Variants in ENOX1 observed in about 807,000 individuals in gnomAD.
ENOX1 encodes ecto-NOX disulfide-thiol exchanger 1.
In ENOX1, 42 loss-of-function variants were observed where a neutral mutation model predicts 82.5. The observed-to-expected ratio is 0.51, with a 90% CI of 0.40 to 0.66. The LOEUF is 0.66. Ranked by LOEUF, ENOX1 falls within the 30% of genes least tolerant of loss-of-function variation. The pLI, the probability that ENOX1 is intolerant of heterozygous loss-of-function variation, is 0.00. For synonymous variants in ENOX1, 271 were observed against 282.2 expected, an observed-to-expected ratio of 0.96 and a Z score of 0.40; for missense variants, 608 against 811.6, an observed-to-expected ratio of 0.75 and a Z score of 3.05.
chr13:43,429,776 C>T (rs1349852472), intron 3 of ENOX1, among the ~76,000 whole-genome samples: 1 of 152,086 alleles, frequency 6.6e-6, no homozygotes. Flanking sequence ...CATATCCTTC[C>T]AATTGTATTG....
rs536243449 is a variant in ENOX1 at position 43,268,180 on chromosome 13, C to T, written c.1554+1290G>A. On this transcript the variant is annotated intron_variant, in intron 13 of 16. Transcript: ENST00000690772. ...CAAAGCTATCTAAAAGAAAAAAAAT[C>T]GGGGTGAGAGAGCAGAAAACAACAA... Among the ~76,000 whole-genome samples the T allele has an allele frequency of 4.6e-5, 7 of 152,136 alleles. No individual in the cohort carries two copies. The South Asian group carries it at 1.0e-3, about 23-fold the overall frequency.
At chr13:43,564,158 T>C (rs1251604498) in intron 2 of ENOX1, among the ~76,000 whole-genome samples, 1 of 152,046 alleles carries the variant, frequency 6.6e-6, no homozygotes, top group Admixed American at 6.6e-5. Flanking sequence ...GTGAAAGATC[T>C]CTACAATGAA....
At chr13:43,668,243 T>G (rs1387379251) in intron 1 of ENOX1, among the ~76,000 whole-genome samples, 1 of 152,208 alleles carries the variant, frequency 6.6e-6, no homozygotes. Context: ...CAACAGAATC[T>G]GCATTTTAAC....
intron 2 of ENOX1, among the ~76,000 whole-genome samples, chr13:43,527,451 C>T (rs1343308793): frequency 6.6e-6 from 1 of 152,038 alleles, no homozygotes; most frequent in Non-Finnish European, 1.5e-5. Context: ...CTTTCTCTCC[C>T]CTAAAAATAC....
rs559189437 is a variant in ENOX1, at chr13:43,566,010, A to T, written c.-218-81858T>A. 9.8e-5 allele frequency among the ~76,000 whole-genome samples: 15 copies of T among 152,290 alleles called. No individual in the cohort carries two copies. In the South Asian group the frequency reaches 3.1e-3, roughly 32 times the overall value. ...TAAATTCTTGATCCTCGTAATCACC[A>T]TGTGGGTTGCAGTAGCAAAATAACT... On this transcript the variant is annotated intron_variant, in intron 2 of 16. Transcript: ENST00000690772.
intron 2 of ENOX1, chr13:43,546,471 A>C (rs1464316171): frequency 6.6e-6 from 1 of 152,326 alleles, no homozygotes. Context: ...CAGACCCCAC[A>C]GGAGCCTGGG....
At chr13:43,492,736 T>A (rs2076664230) in intron 2 of ENOX1, among the ~76,000 whole-genome samples, 1 of 152,210 alleles carries the variant, frequency 6.6e-6, no homozygotes, top group Admixed American at 6.5e-5. Context: ...TCTCCATCCA[T>A]AAATTGTTTC....
chr13:43,647,801 G>A (rs1355762338), intron 2 of ENOX1, among the ~76,000 whole-genome samples: 1 of 152,152 alleles, frequency 6.6e-6, no homozygotes, highest in Non-Finnish European at 1.5e-5. Context: ...GCCTGGAGAT[G>A]GGAGATTATC....
At chr13:43,375,390 A>C (rs2051554528) in intron 5 of ENOX1, among the ~76,000 whole-genome samples, 1 of 152,064 alleles carries the variant, frequency 6.6e-6, no homozygotes, top group Non-Finnish European at 1.5e-5. Context: ...AGTTGGAAAA[A>C]CTGAGAAGCA....
intron 5 of ENOX1, among the ~76,000 whole-genome samples, chr13:43,384,106 A>C (rs900360387): frequency 1.8e-4 from 28 of 152,338 alleles, no homozygotes; most frequent in African/African-American, 6.7e-4. Flanking sequence ...TTATTCCTAA[A>C]AATGAAGTAA....
chr13:43,575,940 A>G (rs1242786669), intron 2 of ENOX1, among the ~76,000 whole-genome samples: 3 of 152,256 alleles, frequency 2.0e-5, no homozygotes, highest in African/African-American at 7.2e-5. Flanking sequence ...GTTGTAATAC[A>G]TAAGTTTCTA....
At chr13:43,758,133 G>A (rs1950754795) in intron 1 of ENOX1, among the ~76,000 whole-genome samples, 1 of 152,068 alleles carries the variant, frequency 6.6e-6, no homozygotes, top group South Asian at 2.1e-4. Flanking sequence ...CTACTCAAGA[G>A]GCTGAGGCAG....
chr13:43,274,737 T>A (rs577975140), intron 12 of ENOX1, among the ~76,000 whole-genome samples: 1 of 152,236 alleles, frequency 6.6e-6, no homozygotes, highest in East Asian at 1.9e-4. Flanking sequence ...ATTATCCATA[T>A]GCCAATCAAG....
chr13:43,459,608 T>A (rs978077347), intron 3 of ENOX1: 1 of 152,192 alleles, frequency 6.6e-6, no homozygotes, highest in Non-Finnish European at 1.5e-5. Context: ...GGGCCAAAGA[T>A]CCTACCAGAA....
At chr13:43,377,359 G>A (rs1289037372) in intron 5 of ENOX1, among the ~76,000 whole-genome samples, 1 of 152,186 alleles carries the variant, frequency 6.6e-6, no homozygotes, top group Non-Finnish European at 1.5e-5. Flanking sequence ...CTGGCACCAT[G>A]CCCTTGGACT....
chr13:43,605,026 A>C (rs2081914729), intron 2 of ENOX1, among the ~76,000 whole-genome samples: 1 of 152,220 alleles, frequency 6.6e-6, no homozygotes, highest in Non-Finnish European at 1.5e-5. Context: ...CTACAGATAA[A>C]ATGAAATCCA....
intron 2 of ENOX1, among the ~76,000 whole-genome samples, chr13:43,651,832 G>GGGGGTAGT (rs2084193028): frequency 6.6e-6 from 1 of 151,688 alleles, no homozygotes; most frequent in African/African-American, 2.4e-5. Context: ...AAAATTAGCC[G>GGGGGTAGT]GGGGTAGTGG....
chr13:43,251,221 G>A (rs1051473821), intron 14 of ENOX1, among the ~76,000 whole-genome samples: 6 of 152,338 alleles, frequency 3.9e-5, no homozygotes, highest in Non-Finnish European at 7.4e-5. Flanking sequence ...TACCACCTCA[G>A]TTTTAACTGT....
At chr13:43,751,261 T>C (rs1189354748) in intron 1 of ENOX1, among the ~76,000 whole-genome samples, 1 of 152,184 alleles carries the variant, frequency 6.6e-6, no homozygotes. Flanking sequence ...TTACCAACTT[T>C]CCTTTCCCAG....
Sources: allele counts gnomAD v4.1 joint callset (sites outside exome capture counted in the v4.1 genomes callset), GRCh38; gene constraint gnomAD v4.1.1; transcripts MANE v1.5; gene names NCBI Gene and HGNC (gene_info 2026-07-23, HGNC 2026-07-21).